UNC5D: variants seen among roughly 807,000 people sequenced by gnomAD.
UNC5D encodes netrin receptor UNC5D.
A neutral mutation model predicts 105.4 loss-of-function variants in UNC5D; 39 were observed. The observed-to-expected ratio is 0.37, with a 90% CI of 0.29 to 0.48. The LOEUF (loss-of-function observed/expected upper bound fraction) is 0.48. UNC5D is among the 20% of genes least tolerant of loss of function. The pLI, the probability that UNC5D is intolerant of heterozygous loss-of-function variation, is 0.98. For missense variants in UNC5D, 991 were observed against 1,202.4 expected, an observed-to-expected ratio of 0.82 and a Z score of 2.60; for synonymous variants, 452 against 450.4, an observed-to-expected ratio of 1.00 and a Z score of -0.04.
At position 35,729,702 on chromosome 8, in the gene UNC5D, G is replaced by A. The variant is rs79887854; in HGVS notation, c.1682-1310G>A. ...CCCTTCATTTGGCAACTACATTTAA[G>A]GAAGAATAGACAAGGGAGGGAAGAG... is the stretch of plus-strand genomic sequence containing the variant. On this transcript the variant is annotated intron_variant, in intron 10 of 16. Transcript: ENST00000404895. 5.7e-3 allele frequency among the ~76,000 whole-genome samples: 863 copies of A among 152,258 alleles called. 7 individuals are homozygous for A. The highest frequency in any genetic ancestry group is 0.027 in the Middle Eastern group (8 of 294).
At chr8:35,635,817 C>T (rs370697810) in intron 4 of UNC5D, among the ~76,000 whole-genome samples, 2 of 152,118 alleles carry the variant, frequency 1.3e-5, no homozygotes, top group African/African-American at 4.8e-5. Flanking sequence ...AAAAGAGTTA[C>T]GTGTGTAGAT....
At chr8:35,236,121 T>C (rs1046555762) in intron 1 of UNC5D, among the ~76,000 whole-genome samples, 6 of 152,160 alleles carry the variant, frequency 3.9e-5, no homozygotes, top group African/African-American at 1.2e-4. Context: ...CCTACCGTTT[T>C]CCTGGACCCT....
intron 1 of UNC5D, among the ~76,000 whole-genome samples, chr8:35,332,486 G>A (rs1415934082): frequency 1.3e-5 from 2 of 152,212 alleles, no homozygotes; most frequent in African/African-American, 2.4e-5. Context: ...AAGATTTCAT[G>A]TGAACTCTTG....
intron 11 of UNC5D, among the ~76,000 whole-genome samples, chr8:35,748,195 T>A (rs778032138): frequency 2.6e-4 from 40 of 152,308 alleles, no homozygotes; most frequent in Admixed American, 9.8e-4. Flanking sequence ...GATAATGGCA[T>A]CAACAAGAAT....
intron 1 of UNC5D, chr8:35,255,745 C>T (rs1338858157): frequency 6.6e-6 from 1 of 152,146 alleles, no homozygotes; most frequent in Non-Finnish European, 1.5e-5. Flanking sequence ...TAAGCAATGA[C>T]ATCATGACAT....
intron 1 of UNC5D, among the ~76,000 whole-genome samples, chr8:35,370,495 T>C (rs886637262): frequency 2.0e-5 from 3 of 152,232 alleles, no homozygotes; most frequent in African/African-American, 4.8e-5. Context: ...GTATTTAAAA[T>C]TAAAACTGTT....
chr8:35,386,483 G>A (rs1191599023), intron 1 of UNC5D, among the ~76,000 whole-genome samples: 3 of 152,128 alleles, frequency 2.0e-5, no homozygotes, highest in African/African-American at 7.2e-5. Flanking sequence ...ACTAAAGAGA[G>A]GCTCAGTGCT....
chr8:35,635,279 A>G (rs939890451), intron 4 of UNC5D, among the ~76,000 whole-genome samples: 2 of 152,254 alleles, frequency 1.3e-5, no homozygotes, highest in African/African-American at 4.8e-5. Context: ...TTGGGGTACA[A>G]TGATACTCCT....
chr8:35,631,962 A>T (rs1452112708), intron 4 of UNC5D, among the ~76,000 whole-genome samples: 2 of 152,204 alleles, frequency 1.3e-5, no homozygotes, highest in Non-Finnish European at 2.9e-5. Context: ...TACCCAAATG[A>T]TCAGACAGGT....
At chr8:35,531,065 A>T (rs1814329684) in intron 1 of UNC5D, among the ~76,000 whole-genome samples, 3 of 146,072 alleles carry the variant, frequency 2.1e-5, no homozygotes, top group Admixed American at 6.8e-5. Flanking sequence ...CTCTGATTTT[A>T]GTTATTTCTT....
intron 1 of UNC5D, among the ~76,000 whole-genome samples, chr8:35,547,047 C>T (rs1407322650): frequency 2.0e-5 from 3 of 151,490 alleles, no homozygotes; most frequent in Non-Finnish European, 4.4e-5. Context: ...GTTTTTTCTC[C>T]CCTTAAGCTG....
chr8:35,511,020 G>T (rs571479871), intron 1 of UNC5D, among the ~76,000 whole-genome samples: 8 of 152,274 alleles, frequency 5.3e-5, no homozygotes, highest in African/African-American at 9.6e-5. Flanking sequence ...TCATTTTGTT[G>T]TTGTTGGTCT....
intron 1 of UNC5D, among the ~76,000 whole-genome samples, chr8:35,293,004 A>G (rs1490177235): frequency 6.6e-6 from 1 of 152,066 alleles, no homozygotes; most frequent in African/African-American, 2.4e-5. Context: ...TTCTTACAAT[A>G]CAGTAAGACA....
At chr8:35,336,775 G>T (rs1811074473) in intron 1 of UNC5D, among the ~76,000 whole-genome samples, 1 of 144,006 alleles carries the variant, frequency 6.9e-6, no homozygotes, top group South Asian at 2.4e-4. Context: ...AGCCCAGATA[G>T]ACCAAAGGAA....
intron 1 of UNC5D, among the ~76,000 whole-genome samples, chr8:35,247,340 T>G (rs1353820379): frequency 6.7e-6 from 1 of 150,374 alleles, no homozygotes. Flanking sequence ...CAGTTTGGTG[T>G]AGCAGAAATA....
intron 1 of UNC5D, among the ~76,000 whole-genome samples, chr8:35,247,193 G>T (rs1803161848): frequency 1.3e-5 from 2 of 151,366 alleles, no homozygotes; most frequent in South Asian, 2.1e-4. Flanking sequence ...AAAGACTATT[G>T]ATCATTTTAC....
At chr8:35,325,570 T>C (rs1254577040) in intron 1 of UNC5D, among the ~76,000 whole-genome samples, 1 of 152,142 alleles carries the variant, frequency 6.6e-6, no homozygotes, top group African/African-American at 2.4e-5. Flanking sequence ...CTATAGTACT[T>C]AGTAGCAAAG....
Position 35,360,204 on chromosome 8 carries a change from C to G in UNC5D, c.103+124317C>G, listed in dbSNP as rs542897587. On this transcript the variant is annotated intron_variant, in intron 1 of 16. Coordinates refer to ENST00000404895, the MANE Select transcript of UNC5D (RefSeq NM_080872.4). ...TGCAGCTCATTTATCAAGCTCTGAT[C>G]AGATGCTGTGCATATCTCACCATGT... Among the ~76,000 whole-genome samples, 7 of 152,252 alleles carry G rather than the reference C, an allele frequency of 4.6e-5. 1 individual carries two copies. Among genetic ancestry groups the G allele is most frequent in the African/African-American group, 1.7e-4 (7 of 41,550 alleles).
At chr8:35,657,169 A>C (rs1397762798) in intron 4 of UNC5D, among the ~76,000 whole-genome samples, 1 of 142,640 alleles carries the variant, frequency 7.0e-6, no homozygotes, top group African/African-American at 2.6e-5. Flanking sequence ...CCTGGCTAAA[A>C]GTTTGAAATT....
Sources: allele counts gnomAD v4.1 joint callset (sites outside exome capture counted in the v4.1 genomes callset), GRCh38; gene constraint gnomAD v4.1.1; transcripts MANE v1.5; gene names NCBI Gene and HGNC (gene_info 2026-07-23, HGNC 2026-07-21).